LY75: variants seen among roughly 807,000 people sequenced by gnomAD.
The protein encoded by LY75 is lymphocyte antigen 75, also known as C-type lectin domain family 13 member B.
A neutral mutation model predicts 231.7 loss-of-function variants in LY75; 185 were observed. The observed-to-expected ratio is 0.80, with a 90% CI of 0.71 to 0.90. The LOEUF (loss-of-function observed/expected upper bound fraction) is 0.90, where lower values mean the gene tolerates loss of function less well. Ranked by LOEUF, LY75 falls within the 40% of genes least tolerant of loss-of-function variation. The pLI is 0.00. For missense variants in LY75, 1,947 were observed against 2,050.2 expected, an observed-to-expected ratio of 0.95 and a Z score of 0.97; for synonymous variants, 668 against 689.0, an observed-to-expected ratio of 0.97 and a Z score of 0.48.
chr2:159,815,150 G>A (rs1200849921), intron 31 of LY75, among the ~76,000 whole-genome samples: 2 of 151,954 alleles, frequency 1.3e-5, no homozygotes, highest in Admixed American at 6.6e-5. Context: ...ACAGGCGCCC[G>A]CCACCATGCC....
At chr2:159,833,151 A>C (rs1338676662) in intron 27 of LY75, among the ~76,000 whole-genome samples, 6 of 108,718 alleles carry the variant, frequency 5.5e-5, no homozygotes, top group Admixed American at 4.5e-4. Context: ...TTTTTTGGAG[A>C]TAGGGTCACC....
At position 159,815,384 on chromosome 2, in the gene LY75, T is replaced by G. The variant is rs183714454; in HGVS notation, c.4549+21A>C. 111 of 1,575,954 alleles carry G rather than the reference T, an allele frequency of 7.0e-5. No individual in the cohort carries two copies. The African/African-American group carries it at 1.2e-3, about 17-fold the overall frequency. ...ATGTCACATTTTCATAAATGTACTGTTACTGAAATTGAAGTCTTACATTTT... is the reference window on the plus strand; with the variant it reads ...ATGTCACATTTTCATAAATGTACTGGTACTGAAATTGAAGTCTTACATTTT... On this transcript the variant is annotated intron_variant, in intron 31 of 34. Transcript: ENST00000263636.
chr2:159,813,461 G>C (rs979924889), intron 31 of LY75, among the ~76,000 whole-genome samples: 1 of 152,108 alleles, frequency 6.6e-6, no homozygotes, highest in African/African-American at 2.4e-5. Context: ...AGTTCTGGAG[G>C]CTAGAAGTCT....
At position 159,889,717 on chromosome 2, in the gene LY75, A is replaced by G. The variant is rs138088291; in HGVS notation, c.802+496T>C. Among the ~76,000 whole-genome samples the G allele has an allele frequency of 1.7e-3, 265 of 152,238 alleles. 1 individual carries two copies. The highest frequency in any genetic ancestry group is 6.1e-3 in the African/African-American group (252 of 41,542). On this transcript the variant is annotated intron_variant, in intron 4 of 34. Coordinates refer to ENST00000263636, the MANE Select transcript of LY75 (RefSeq NM_002349.4). The stretch of plus-strand genomic sequence containing the variant: ...AAAAAATTACCACTACCATCCCCCA[A>G]ACAAAACAAAACAAAGTCCTACCCA...
intron 6 of LY75, among the ~76,000 whole-genome samples, chr2:159,883,358 C>T (rs1212556452): frequency 6.6e-6 from 1 of 151,492 alleles, no homozygotes; most frequent in African/African-American, 2.4e-5. Context: ...TTCAGCTAGC[C>T]TCTTACACTT....
intron 1 of LY75, 32 bp downstream of exon 1, chr2:159,904,557 G>A (rs1289946426): frequency 6.7e-7 from 1 of 1,502,180 alleles, no homozygotes; most frequent in Admixed American, 2.1e-5. Flanking sequence ...GAGGCACCCA[G>A]CGGACTGCGG....
chr2:159,890,603 T>TTACAATGGAAAATTA (rs1685722808), intron 3 of LY75, among the ~76,000 whole-genome samples: 3 of 152,160 alleles, frequency 2.0e-5, no homozygotes. Context: ...TTTTCCATTC[T>TTACAATGGAAAATTA]CCTTTTATCC....
chr2:159,885,662 T>A (rs912870031), intron 5 of LY75, among the ~76,000 whole-genome samples: 3 of 152,198 alleles, frequency 2.0e-5, no homozygotes, highest in Non-Finnish European at 4.4e-5. Context: ...GAGTTAAAGA[T>A]TAAATTATCT....
Position 159,808,894 on chromosome 2 carries a change from C to T in LY75, c.4700-323G>A, listed in dbSNP as rs1682870136. ...AAAGAGAAAGAGTTGTGTAACCTCC[C>T]AATGCCACTTAGCTAGGATATGTGG... On this transcript the variant is annotated intron_variant, in intron 32 of 34. Transcript: ENST00000263636. Among the ~76,000 whole-genome samples the T allele has an allele frequency of 2.6e-5, 4 of 152,176 alleles. No individual in the cohort carries two copies. In the South Asian group the frequency reaches 8.3e-4, roughly 32 times the overall value.
At chr2:159,822,282 C>T (rs1041973193) in intron 28 of LY75, among the ~76,000 whole-genome samples, 13 of 152,234 alleles carry the variant, frequency 8.5e-5, no homozygotes, top group Middle Eastern at 3.2e-3. Context: ...CTAAGATCTA[C>T]TGGCTTGAAA....
chr2:159,815,061 C>T (rs61101836), intron 31 of LY75, among the ~76,000 whole-genome samples: 53,611 of 145,100 alleles, frequency 0.37, 10,381 homozygotes, highest in Admixed American at 0.51. Context: ...ACTGCAGTGG[C>T]GCAATCTCGG....
chr2:159,821,743 T>C (rs150861019), intron 28 of LY75, among the ~76,000 whole-genome samples: 3 of 152,302 alleles, frequency 2.0e-5, no homozygotes, highest in Admixed American at 6.5e-5. Flanking sequence ...GATGGATTGC[T>C]GGCAAGATGG....
At chr2:159,866,322 A>G (rs1684856852) in intron 13 of LY75, among the ~76,000 whole-genome samples, 1 of 152,136 alleles carries the variant, frequency 6.6e-6, no homozygotes, top group South Asian at 2.1e-4. Flanking sequence ...TTTATTTCTT[A>G]CCTTTGTTCA....
intron 15 of LY75, among the ~76,000 whole-genome samples, chr2:159,860,163 A>C (rs1684662942): frequency 6.6e-6 from 1 of 152,202 alleles, no homozygotes; most frequent in Non-Finnish European, 1.5e-5. Flanking sequence ...AAGATGCCTC[A>C]CTGGTCTTCT....
At chr2:159,822,696 C>G (rs563839723) in intron 28 of LY75, among the ~76,000 whole-genome samples, 1 of 152,214 alleles carries the variant, frequency 6.6e-6, no homozygotes, top group South Asian at 2.1e-4. Flanking sequence ...CAGTAGGTGC[C>G]GACAGACATT....
Position 159,898,955 on chromosome 2 carries a change from A to G in LY75, c.199T>C (p.Trp67Arg). The part of the protein sequence containing the change: ...DDCDETEDKL[W>R]KWVSQHRLFH... ...AGCCGATGCTGGGACACCCACTTCC[A>G]TAACTTGTCCTCAGTTTCATCACAG... The change falls in exon 2 of 35, where the codon TGG becomes CGG. Residue 67 changes from tryptophan to arginine, a missense_variant. By Grantham distance (101) the Trp-to-Arg change is moderately radical. Transcript: ENST00000263636. 12 of 1,614,270 alleles carry G rather than the reference A, an allele frequency of 7.4e-6. No individual in the cohort carries two copies. Among genetic ancestry groups the G allele is most frequent in the Non-Finnish European group, 8.5e-6 (10 of 1,180,054 alleles).
chr2:159,821,451 A>G (rs1171185268), intron 28 of LY75, among the ~76,000 whole-genome samples: 1 of 151,868 alleles, frequency 6.6e-6, no homozygotes, highest in Non-Finnish European at 1.5e-5. Flanking sequence ...CCCCATCTCT[A>G]CTAAAAATAC....
At chr2:159,854,815 G>T in intron 17 of LY75, 89 bp downstream of exon 17, 1 of 1,540,960 alleles carries the variant, frequency 6.5e-7, no homozygotes, top group East Asian at 2.4e-5. Context: ...AAGATGTATA[G>T]AGAAGAAGCT....
chr2:159,890,290 T>G lies in LY75; in HGVS notation c.725A>C (p.Glu242Ala). 1 of 1,613,576 alleles carries G rather than the reference T, an allele frequency of 6.2e-7. No individual in the cohort carries two copies. The stretch of plus-strand genomic sequence containing the variant: ...TTGATTCTGACATGAAACATAAGCT[T>G]CTTTCCAAGAAAGAGCCGTCTGAGT... Reference protein sequence around the residue: ...FNTQTALSWKEAYVSCQNQGA... With the variant: ...FNTQTALSWKAAYVSCQNQGA... The change falls in exon 4 of 35, where the codon GAA becomes GCA. Residue 242 changes from glutamate to alanine, a missense_variant. Glu to Ala is a moderately radical substitution (Grantham distance 107). Transcript: ENST00000263636.
Sources: gnomAD v4.1 joint callset for allele counts (sites outside exome capture counted in the v4.1 genomes callset) on GRCh38, gnomAD v4.1.1 for gene constraint, MANE v1.5 for transcripts, NCBI Gene and HGNC (gene_info 2026-07-23, HGNC 2026-07-21) for gene names.